Variants in LAMA5 observed in about 807,000 individuals in gnomAD.
The protein encoded by LAMA5 is laminin subunit alpha 5.
A neutral mutation model predicts 433.4 loss-of-function variants in LAMA5; 260 were observed. The observed-to-expected ratio is 0.60, with a 90% CI of 0.54 to 0.66. LAMA5 has a LOEUF of 0.66. Ranked by LOEUF, LAMA5 falls within the 30% of genes least tolerant of loss-of-function variation. The pLI is 0.00. For synonymous variants in LAMA5, 2,620 were observed against 2,226.6 expected, an observed-to-expected ratio of 1.18 and a Z score of -4.97; for missense variants, 5,378 against 5,258.5, an observed-to-expected ratio of 1.02 and a Z score of -0.70.
chr20:62,321,204 G>A (rs1394960589), intron 48 of LAMA5, among the ~76,000 whole-genome samples: 5 of 130,934 alleles, frequency 3.8e-5, no homozygotes, highest in Admixed American at 3.0e-4. Context: ...TGGGGCCAGT[G>A]GAGGAAGAGG....
chr20:62,310,460 G>A lies in LAMA5; in HGVS notation c.10559C>T (p.Ala3520Val), dbSNP rs1299444077. Residue 3520 changes from alanine to valine, a missense_variant, in exon 76 of 80, where the codon GCG becomes GTG. By Grantham distance (64) the Ala-to-Val change is moderately conservative. Transcript: ENST00000252999. ...VTPCILGPLE[A>V]GLFFPGSGGV... Reference sequence around the variant, plus strand: ...CCCGCTGCCTGGGAAGAACAGGCCCGCCTCCAGGGGGCCCAAGATGCAGGG... The same window carrying A: ...CCCGCTGCCTGGGAAGAACAGGCCCACCTCCAGGGGGCCCAAGATGCAGGG... 9 of 1,599,562 alleles carry A rather than the reference G, an allele frequency of 5.6e-6. No individual in the cohort carries two copies. The highest frequency in any genetic ancestry group is 3.4e-5 in the South Asian group (3 of 89,182).
At position 62,315,125 on chromosome 20, in the gene LAMA5, C is replaced by T; in HGVS notation, c.7950G>A (p.Leu2650=). 6.2e-7 allele frequency: 1 copy of T among 1,609,678 alleles called. No individual in the cohort carries two copies. The highest frequency in any genetic ancestry group is 8.5e-7 in the Non-Finnish European group (1 of 1,179,788). The part of the protein sequence containing the change: ...QDTATRVQSQ[L]QAMQENVERW... ...GCTCCACATTCTCCTGCATGGCCTG[C>T]AGCTGGGACTGCACACGGGTGGCGG... is the stretch of plus-strand genomic sequence containing the variant. The change falls in exon 59 of 80, where the codon CTG becomes CTA. Residue 2650 remains leucine, a synonymous_variant. Coordinates refer to ENST00000252999, the MANE Select transcript of LAMA5 (RefSeq NM_005560.6).
chr20:62,316,630 C>T lies in LAMA5; in HGVS notation c.7756+41G>A, dbSNP rs771710195. The T allele has an allele frequency of 2.8e-6, 4 of 1,444,518 alleles. No individual in the cohort carries two copies. In the Admixed American group the frequency reaches 7.0e-5, roughly 25 times the overall value. 89.5% of individuals were successfully genotyped at this position (1,444,518 alleles called of 1,614,324 possible). A position where few individuals can be genotyped will look rare whatever the true frequency, so the allele number is the denominator to read the frequency against. ...CTGAGGGTCCCTGGGAGCTCAGATG[C>T]CCAGCAGGCCTAAGGGCCCCCATCG... On this transcript the variant is annotated intron_variant, in intron 57 of 79. Transcript: ENST00000252999.
At chr20:62,349,270 CAA>C (rs35537683) in intron 6 of LAMA5, among the ~76,000 whole-genome samples, 241 of 46,562 alleles carry the variant, frequency 5.2e-3, no homozygotes, top group African/African-American at 8.5e-3. Context: ...GACTCCATCT[CAA>C]AAAAAAAAAA....
At chr20:62,320,964 G>A in intron 48 of LAMA5, 74 bp from the exon 49 acceptor site, 1 of 1,501,934 alleles carries the variant, frequency 6.7e-7, no homozygotes, top group South Asian at 1.3e-5. Flanking sequence ...GGGGCCCTGG[G>A]GTCATTAGGG....
intron 75 of LAMA5, 40 bp from the exon 76 acceptor site, chr20:62,310,612 G>A: frequency 1.3e-6 from 2 of 1,581,186 alleles, no homozygotes; most frequent in Non-Finnish European, 8.6e-7. Flanking sequence ...GCCCAGGGCA[G>A]CTGAAAGGGA....
intron 41 of LAMA5, chr20:62,325,014 G>C (rs998891319): frequency 2.6e-6 from 1 of 379,462 alleles, no homozygotes; most frequent in African/African-American, 2.0e-5. Flanking sequence ...GATGGTCGGT[G>C]GGGGATGTCC....
In LAMA5 at chr20:62,318,438, A is replaced by C. The variant is rs779102912; in HGVS notation, c.7239+16T>G. On this transcript the variant is annotated intron_variant, in intron 53 of 79. Coordinates refer to ENST00000252999, the MANE Select transcript of LAMA5 (RefSeq NM_005560.6). ...GGGAAGAGGAGCAGGAGGAAGAACA[A>C]GTCCGGGGTCCTCACCAGGGCTTCC... 1 of 1,570,202 alleles carries C rather than the reference A, an allele frequency of 6.4e-7. No individual in the cohort carries two copies. The highest frequency in any genetic ancestry group is 1.1e-5 in the South Asian group (1 of 90,002).
Position 62,314,577 on chromosome 20 carries a change from A to G in LAMA5, c.8345T>C (p.Val2782Ala), listed in dbSNP as rs771123350. 42 of 1,611,134 alleles carry G rather than the reference A, an allele frequency of 2.6e-5. No individual in the cohort carries two copies. Among genetic ancestry groups the G allele is most frequent in the Non-Finnish European group, 3.6e-5 (42 of 1,179,348 alleles). ...EPGQGTEDRF[V>A]MYMGSRQATG... Reference sequence around the variant, plus strand: ...TACCTGGCGGCTGCCCATGTACATCACAAAGCGATCCTCGGTACCCTGCCC... The same window carrying G: ...TACCTGGCGGCTGCCCATGTACATCGCAAAGCGATCCTCGGTACCCTGCCC... The change falls in exon 61 of 80, where the codon GTG (valine) becomes GCG (alanine). Residue 2782 changes from valine (V) to alanine (A), a missense_variant. Physicochemically the swap from Val to Ala is moderately conservative, Grantham distance 64 (BLOSUM62 0). Coordinates refer to ENST00000252999, the MANE Select transcript of LAMA5 (RefSeq NM_005560.6).
In LAMA5 at chr20:62,330,612, G is replaced by A. The variant is rs1980183710; in HGVS notation, c.3855C>T (p.Ala1285=). ...AEPTLLREPQ[A]TVVFTTHVPT... ...GCACATGGGTGGTGAAGACCACGGT[G>A]GCCTGCAGGGATAGGCCCTAGTGAG... The change falls in exon 31 of 80, where the codon GCC becomes GCT. Residue 1285 remains alanine, a splice_region_variant and synonymous_variant. Coordinates refer to ENST00000252999, the MANE Select transcript of LAMA5 (RefSeq NM_005560.6). The A allele has an allele frequency of 1.3e-6, 2 of 1,590,080 alleles. No homozygotes were observed. Among genetic ancestry groups the A allele is most frequent in the South Asian group, 1.2e-5 (1 of 86,922 alleles).
rs1402827351 is a variant in LAMA5 at position 62,324,163 on chromosome 20, G to A, written c.5685C>T (p.Cys1895=). The change falls in exon 43 of 80, where the codon TGC becomes TGT. Residue 1895 remains cysteine, a synonymous_variant. Coordinates refer to ENST00000252999, the MANE Select transcript of LAMA5 (RefSeq NM_005560.6). The surrounding 1 kb of genome is among the most constrained non-coding windows in gnomAD (Gnocchi z 4.4). ...CCCTGCTGCTCACGAAGCCAGCCTG[G>A]CAGCGCTCACAGTGGGCCCCTTCGG... ...HNTEGAHCER[C]QAGFVSSRDD... 3 of 1,564,054 alleles carry A rather than the reference G, an allele frequency of 1.9e-6. No homozygotes were observed. The highest frequency in any genetic ancestry group is 2.6e-6 in the Non-Finnish European group (3 of 1,164,446).
chr20:62,346,592 T>C lies in LAMA5; in HGVS notation c.1196A>G (p.His399Arg). The C allele has an allele frequency of 6.2e-7, 1 of 1,603,670 alleles. No homozygotes were observed. The highest frequency in any genetic ancestry group is 8.5e-7 in the Non-Finnish European group (1 of 1,175,436). ...GCGCTCACAGTTGACGCCGGTGGTG[T>C]GGTGCTGGGAGTGCAATGGCCGTTG... ...GGGVCIDCQH[H>R]TTGVNCERCL... The change falls in exon 9 of 80, where the codon CAC becomes CGC. Residue 399 changes from histidine (H) to arginine (R), a missense_variant. Coordinates refer to ENST00000252999, the MANE Select transcript of LAMA5 (RefSeq NM_005560.6).
chr20:62,315,801 T>C (rs1986875325), intron 58 of LAMA5, 147 bp downstream of exon 58: 3 of 644,018 alleles, frequency 4.7e-6, no homozygotes, highest in East Asian at 5.5e-5. Context: ...ACCTCCCTGG[T>C]AGGCTTTCTG....
In LAMA5 at chr20:62,315,974, G is replaced by A. The variant is rs146185895; in HGVS notation, c.7841C>T (p.Ala2614Val). 36 of 1,605,888 alleles carry A rather than the reference G, an allele frequency of 2.2e-5. No homozygotes were observed. The highest frequency in any genetic ancestry group is 6.7e-5 in the Admixed American group (4 of 59,626). ...TGTGTCCATGGCAAGCATGGCCTGC[G>A]CCGCCTGGATGTGCGCCTCCAGCTG... Reference protein sequence around the residue: ...KDQLEAHIQAAQAMLAMDTDE... With the variant: ...KDQLEAHIQAVQAMLAMDTDE... The change falls in exon 58 of 80, where the codon GCG becomes GTG. Residue 2614 changes from alanine to valine, a missense_variant. Ala to Val is a moderately conservative substitution (Grantham distance 64). Transcript: ENST00000252999.
chr20:62,316,447 G>A (rs1986939761), intron 57 of LAMA5: 2 of 521,450 alleles, frequency 3.8e-6, no homozygotes, highest in South Asian at 3.0e-5. Flanking sequence ...GTGCCTCAGT[G>A]GCAGCCAGTG....
rs1184267029 is a variant in LAMA5 at position 62,332,344 on chromosome 20, T to C, written c.3552+28A>G. On this transcript the variant is annotated intron_variant, in intron 28 of 79. Coordinates refer to ENST00000252999, the MANE Select transcript of LAMA5 (RefSeq NM_005560.6). The stretch of plus-strand genomic sequence containing the variant: ...AAATCTTCTGAAAGAAGCTGACCCC[T>C]TGGGGTGGGGACCTGAGGGGTCCTT... 5 of 1,503,772 alleles carry C rather than the reference T, an allele frequency of 3.3e-6. No individual in the cohort carries two copies. The Admixed American group carries it at 5.0e-5, about 15-fold the overall frequency. The allele number at this position is 1,503,772 out of a possible 1,614,324, so 93.2% of individuals were successfully genotyped here.
chr20:62,322,190 A>G (rs1978359390), intron 47 of LAMA5, 22 bp from the exon 48 acceptor site: 2 of 1,580,018 alleles, frequency 1.3e-6, no homozygotes, highest in Admixed American at 1.7e-5. Context: ...GGCTTGGGTG[A>G]GCATGGCTGG....
intron 57 of LAMA5, chr20:62,316,347 T>TG: frequency 1.8e-6 from 1 of 546,564 alleles, no homozygotes; most frequent in Non-Finnish European, 3.3e-6. Context: ...GCTCACACCT[T>TG]TCTCATTGCG....
At chr20:62,358,102 G>A (rs532770334) in intron 2 of LAMA5, among the ~76,000 whole-genome samples, 2 of 152,362 alleles carry the variant, frequency 1.3e-5, no homozygotes, top group East Asian at 3.9e-4. Context: ...GGGCCTGGGG[G>A]GTCTAGGTGG....
Sources: gnomAD v4.1 joint callset for allele counts (sites outside exome capture counted in the v4.1 genomes callset) on GRCh38, gnomAD v4.1.1 for gene constraint, Gnocchi (gnomAD v3.1) non-coding constraint, MANE v1.5 for transcripts, NCBI Gene and HGNC (gene_info 2026-07-23, HGNC 2026-07-21) for gene names.